HSF1: variants seen among roughly 807,000 people sequenced by gnomAD.
HSF1 encodes heat shock transcription factor 1.
Under a neutral mutation model 51.7 loss-of-function variants are expected in HSF1, and 32 were observed. The observed-to-expected ratio is 0.62, with a 90% CI of 0.47 to 0.83. HSF1 has a LOEUF of 0.83. Among genes scored for constraint, HSF1 ranks in the 40% least tolerant of loss-of-function variants. The pLI, the probability that HSF1 is intolerant of heterozygous loss-of-function variation, is 0.00. For missense variants in HSF1, 727 were observed against 717.0 expected, an observed-to-expected ratio of 1.01 and a Z score of -0.16; for synonymous variants, 396 against 309.7, an observed-to-expected ratio of 1.28 and a Z score of -2.92.
At chr8:144,312,787 C>T (rs782773303) in intron 9 of HSF1, 4 of 1,333,094 alleles carry the variant, frequency 3.0e-6, no homozygotes, top group Non-Finnish European at 3.1e-6. Flanking sequence ...GTGGACCAGA[C>T]CCAGCCTGGC....
At chr8:144,312,881 C>T (rs879988436) in intron 9 of HSF1, 16 of 633,638 alleles carry the variant, frequency 2.5e-5, no homozygotes, top group Non-Finnish European at 4.2e-5. Flanking sequence ...CCCCTGGCCA[C>T]GGGCCTGTGG....
intron 9 of HSF1, chr8:144,312,790 AGCCTGGCCGGGCATGAGC>A: frequency 7.5e-7 from 1 of 1,328,038 alleles, no homozygotes; most frequent in Non-Finnish European, 1.0e-6. Flanking sequence ...GACCAGACCC[AGCCTGGCCGGGCATGAGC>A]GTCGGGCCTG....
At chr8:144,293,737 CCTT>C (rs1224832704) in intron 1 of HSF1, among the ~76,000 whole-genome samples, 3 of 151,640 alleles carry the variant, frequency 2.0e-5, no homozygotes, top group Non-Finnish European at 4.4e-5. Context: ...TGCACCCAGC[CCTT>C]CTTCTTTTTC....
intron 1 of HSF1, among the ~76,000 whole-genome samples, chr8:144,299,225 TGAGGTCAG>T (rs2130347294): frequency 6.6e-6 from 1 of 151,316 alleles, no homozygotes; most frequent in South Asian, 2.1e-4. Flanking sequence ...GCGGATTATC[TGAGGTCAG>T]GAGTTCAAGA....
intron 1 of HSF1, among the ~76,000 whole-genome samples, chr8:144,305,454 C>T (rs1816146918): frequency 6.6e-6 from 1 of 152,032 alleles, no homozygotes; most frequent in South Asian, 2.1e-4. Context: ...CACATGCCAC[C>T]ATGCCCAACT....
At chr8:144,313,080 T>G in intron 9 of HSF1, 1 of 400,706 alleles carries the variant, frequency 2.5e-6, no homozygotes, top group South Asian at 2.9e-5. Flanking sequence ...GCTTTCTTGG[T>G]CACAGCCACC....
chr8:144,292,320 G>A (rs1166846570), intron 1 of HSF1, among the ~76,000 whole-genome samples: 1 of 152,248 alleles, frequency 6.6e-6, no homozygotes, highest in Non-Finnish European at 1.5e-5. Flanking sequence ...GTGAAGTGGA[G>A]GGCGTTGCTG....
chr8:144,304,052 C>G (rs1554842852), intron 1 of HSF1, among the ~76,000 whole-genome samples: 1 of 152,150 alleles, frequency 6.6e-6, no homozygotes, highest in Non-Finnish European at 1.5e-5. Context: ...GCACCAGGAT[C>G]TTAGTCTCTT....
intron 1 of HSF1, among the ~76,000 whole-genome samples, chr8:144,307,919 T>TC (rs1439783542): frequency 6.6e-6 from 1 of 152,100 alleles, no homozygotes; most frequent in East Asian, 1.9e-4. Context: ...TTGGCGCTTT[T>TC]CGCCGTCTCT....
chr8:144,292,240 C>T (rs1211038565), intron 1 of HSF1, among the ~76,000 whole-genome samples: 2 of 152,230 alleles, frequency 1.3e-5, no homozygotes, highest in Non-Finnish European at 2.9e-5. Flanking sequence ...CAGAGGACAT[C>T]GGCGTCCCCA....
chr8:144,312,604 G>A, intron 9 of HSF1: 1 of 1,531,710 alleles, frequency 6.5e-7, no homozygotes, highest in Non-Finnish European at 8.7e-7. Context: ...CTGCAATGGG[G>A]GCTCTTGTTT....
chr8:144,313,931 G>T lies in HSF1; in HGVS notation c.1314+20G>T. 10 of 1,610,188 alleles carry T rather than the reference G, an allele frequency of 6.2e-6. No individual in the cohort carries two copies. The highest frequency in any genetic ancestry group is 8.5e-6 in the Non-Finnish European group (10 of 1,179,206). On this transcript the variant is annotated intron_variant, in intron 11 of 12. Coordinates refer to ENST00000528838, the MANE Select transcript of HSF1 (RefSeq NM_005526.4). Reference sequence around the variant, plus strand: ...GCCAGTGTGCGTAGGCGGGCGGGGGGTGAGGGGGAACGAGACCAGCGGGAG... The same window carrying T: ...GCCAGTGTGCGTAGGCGGGCGGGGGTTGAGGGGGAACGAGACCAGCGGGAG...
chr8:144,300,869 G>A (rs1468132711), intron 1 of HSF1, among the ~76,000 whole-genome samples: 1 of 151,648 alleles, frequency 6.6e-6, no homozygotes, highest in Non-Finnish European at 1.5e-5. Flanking sequence ...AAGGCAGGAT[G>A]TTAATGATGG....
At chr8:144,313,061 T>A in intron 9 of HSF1, 1 of 442,554 alleles carries the variant, frequency 2.3e-6, no homozygotes, top group African/African-American at 2.0e-5. Flanking sequence ...GTGTGCCCTG[T>A]GGCCTAGGGC....
intron 1 of HSF1, among the ~76,000 whole-genome samples, chr8:144,294,059 T>C (rs1554840895): frequency 6.6e-6 from 1 of 151,868 alleles, no homozygotes; most frequent in South Asian, 2.1e-4. Context: ...TGGGGAGGGA[T>C]GGGGAGCCAA....
intron 9 of HSF1, chr8:144,313,238 T>G (rs1816805946): frequency 2.1e-6 from 1 of 487,204 alleles, no homozygotes; most frequent in African/African-American, 2.0e-5. Flanking sequence ...TGGAGCTGAA[T>G]ACGCCCCTTG....
chr8:144,313,593 G>A lies in HSF1; in HGVS notation c.1225G>A (p.Val409Met), dbSNP rs782158321. The A allele has an allele frequency of 8.7e-6, 14 of 1,606,164 alleles. No individual in the cohort carries two copies. The highest frequency in any genetic ancestry group is 2.2e-5 in the East Asian group (1 of 44,654). Residue 409 changes from valine (V) to methionine (M), a missense_variant, in exon 10 of 13, where the codon GTG (valine) becomes ATG (methionine). Transcript: ENST00000528838. ...CATGCTGAGCAGCCACGGCTTCAGC[G>A]TGGACACCAGTGCCCTGCTGGACGT... The part of the protein sequence containing the change: ...QTMLSSHGFS[V>M]DTSALLDLFS...
rs1023800353 is a variant in HSF1 at position 144,312,141 on chromosome 8, G to A, written c.1039G>A (p.Ala347Thr). ...ESEPAPASVTALTDARGHTDT... is the reference protein window; with the variant it reads ...ESEPAPASVTTLTDARGHTDT... ...TGAACCTGCCCCCGCCTCCGTCACA[G>A]CCCTCACGGACGCCAGGGGCCACAC... Residue 347 changes from alanine (A) to threonine (T), a missense_variant, in exon 9 of 13, where the codon GCC (alanine) becomes ACC (threonine). Around this residue, in one of 2 missense-constraint regions of HSF1, gnomAD observed 470 missense variants for 398.8 expected, o/e 1.18. Transcript: ENST00000528838. 2 of 1,611,794 alleles carry A rather than the reference G, an allele frequency of 1.2e-6. No homozygotes were observed. The highest frequency in any genetic ancestry group is 1.7e-6 in the Non-Finnish European group (2 of 1,179,660).
intron 1 of HSF1, among the ~76,000 whole-genome samples, chr8:144,306,821 A>G (rs1816255901): frequency 1.3e-5 from 2 of 152,192 alleles, no homozygotes; most frequent in Admixed American, 6.5e-5. Context: ...GTTTATGGCC[A>G]CTGCCGTCTC....
Sources: allele counts gnomAD v4.1 joint callset (sites outside exome capture counted in the v4.1 genomes callset), GRCh38; gene constraint gnomAD v4.1.1; regional missense constraint gnomAD v4.1.1; transcripts MANE v1.5; gene names NCBI Gene and HGNC (gene_info 2026-07-23, HGNC 2026-07-21).